TRHDE: variants seen among roughly 807,000 people sequenced by gnomAD.
TRHDE encodes thyrotropin-releasing hormone-degrading ectoenzyme.
TRHDE carries 72 observed loss-of-function variants against 125.7 expected under a neutral mutation model. That is an observed-to-expected ratio of 0.57 (90% confidence interval 0.47 to 0.70). TRHDE has a LOEUF of 0.70. Ranked by LOEUF, TRHDE falls within the 30% of genes least tolerant of loss-of-function variation. TRHDE has a pLI of 0.00. For synonymous variants in TRHDE, 509 were observed against 509.1 expected (o/e 1.00, Z 0.00); for missense variants, 1,110 against 1,327.1 (o/e 0.84, Z 2.54).
chr12:72,380,309 C>T (rs1872084379), intron 3 of TRHDE, among the ~76,000 whole-genome samples: 2 of 152,244 alleles, frequency 1.3e-5, no homozygotes, highest in South Asian at 4.1e-4. Context: ...TAGGTGAAGA[C>T]AGACATTAAA....
At chr12:72,212,640 C>T (rs1316707763) in intron 2 of TRHDE, among the ~76,000 whole-genome samples, 1 of 152,002 alleles carries the variant, frequency 6.6e-6, no homozygotes, top group East Asian at 1.9e-4. Context: ...TGAGATACCC[C>T]TTAAAATCCA....
intron 3 of TRHDE, among the ~76,000 whole-genome samples, chr12:72,462,661 G>A (rs1238783618): frequency 6.6e-6 from 1 of 152,142 alleles, no homozygotes; most frequent in Admixed American, 6.5e-5. Context: ...CTTGGATTGG[G>A]TTGATGTTTC....
chr12:72,643,782 T>C (rs373730423), intron 15 of TRHDE, among the ~76,000 whole-genome samples: 64 of 152,302 alleles, frequency 4.2e-4, no homozygotes, highest in African/African-American at 1.5e-3. Context: ...TCAATGCTGG[T>C]GAACAGAATG....
chr12:72,546,002 G>T (rs1418437386), intron 7 of TRHDE, among the ~76,000 whole-genome samples: 1 of 151,602 alleles, frequency 6.6e-6, no homozygotes, highest in Non-Finnish European at 1.5e-5. Context: ...TCCTTGATGA[G>T]TGACGTTACA....
At chr12:72,322,954 C>A (rs1437760204) in intron 2 of TRHDE, among the ~76,000 whole-genome samples, 1 of 152,078 alleles carries the variant, frequency 6.6e-6, no homozygotes, top group Non-Finnish European at 1.5e-5. Flanking sequence ...TTGGAGAAGC[C>A]ATTTAGCCAT....
At chr12:72,495,855 C>T (rs1877892506) in intron 5 of TRHDE, among the ~76,000 whole-genome samples, 1 of 152,080 alleles carries the variant, frequency 6.6e-6, no homozygotes, top group African/African-American at 2.4e-5. Context: ...TGCCTTTGTA[C>T]TAGTCTCCAA....
chr12:72,439,293 G>T (rs1265784815), intron 3 of TRHDE, among the ~76,000 whole-genome samples: 1 of 151,604 alleles, frequency 6.6e-6, no homozygotes, highest in Non-Finnish European at 1.5e-5. Flanking sequence ...GGTCTTTTTG[G>T]TTCTATAGAA....
At chr12:72,380,709 TC>T (rs2135779074) in intron 3 of TRHDE, among the ~76,000 whole-genome samples, 2 of 129,126 alleles carry the variant, frequency 1.5e-5, no homozygotes, top group South Asian at 4.8e-4. Flanking sequence ...CTTCCTTCCT[TC>T]CTTCCTTCCT....
chr12:72,159,855 T>G (rs1876597304), intron 2 of TRHDE, among the ~76,000 whole-genome samples: 1 of 152,194 alleles, frequency 6.6e-6, no homozygotes, highest in East Asian at 1.9e-4. Flanking sequence ...GTGTTTCTTT[T>G]TTCTAATTTC....
rs769752826 is a variant in TRHDE at position 72,466,329 on chromosome 12, C to T, written c.1316-3429C>T. 4.4e-4 allele frequency among the ~76,000 whole-genome samples: 67 copies of T among 152,282 alleles called. 1 individual carries two copies. The Middle Eastern group carries it at 0.014, about 31-fold the overall frequency. ...CCCAATGTGTGGCTTGATATGCTAG[C>T]TTAGCCTTGACGACCGACTACTCTT... On this transcript the variant is annotated intron_variant, in intron 3 of 18. Coordinates refer to ENST00000261180, the MANE Select transcript of TRHDE (RefSeq NM_013381.3).
intron 1 of TRHDE, among the ~76,000 whole-genome samples, chr12:72,275,603 T>C (rs1172855934): frequency 1.3e-5 from 2 of 152,240 alleles, no homozygotes; most frequent in Non-Finnish European, 2.9e-5. Flanking sequence ...TGCATATCAT[T>C]ACTGATACAT....
intron 2 of TRHDE, among the ~76,000 whole-genome samples, chr12:72,326,544 T>C (rs1869349223): frequency 6.6e-6 from 1 of 152,174 alleles, no homozygotes; most frequent in South Asian, 2.1e-4. Context: ...TCTGCACATG[T>C]ATCCCAGAAC....
At chr12:72,551,265 C>T (rs986339121) in intron 7 of TRHDE, among the ~76,000 whole-genome samples, 7 of 152,018 alleles carry the variant, frequency 4.6e-5, no homozygotes, top group African/African-American at 7.2e-5. Flanking sequence ...CTCTTTTGGT[C>T]TACCTCTGTA....
intron 2 of TRHDE, among the ~76,000 whole-genome samples, chr12:72,125,751 A>G (rs1944964680): frequency 6.6e-6 from 1 of 152,214 alleles, no homozygotes; most frequent in African/African-American, 2.4e-5. Flanking sequence ...AGTTTAGCCA[A>G]TGGTTTTCCA....
At chr12:72,228,530 G>A (rs555398317) in intron 2 of TRHDE, among the ~76,000 whole-genome samples, 11 of 152,280 alleles carry the variant, frequency 7.2e-5, no homozygotes, top group African/African-American at 2.6e-4. Context: ...GACCTCTGAT[G>A]TGCCCTGGAG....
At chr12:72,485,826 C>T (rs1487530524) in intron 5 of TRHDE, among the ~76,000 whole-genome samples, 1 of 152,136 alleles carries the variant, frequency 6.6e-6, no homozygotes, top group African/African-American at 2.4e-5. Context: ...AGTAGGTGCC[C>T]TGCTTGAGAT....
chr12:72,576,930 T>C (rs1871022317), intron 12 of TRHDE, among the ~76,000 whole-genome samples: 1 of 152,168 alleles, frequency 6.6e-6, no homozygotes, highest in Non-Finnish European at 1.5e-5. Context: ...ACGAAGGCTT[T>C]TCCATGCCAT....
intron 12 of TRHDE, among the ~76,000 whole-genome samples, chr12:72,591,061 G>A (rs1481717984): frequency 6.6e-6 from 1 of 152,190 alleles, no homozygotes; most frequent in Non-Finnish European, 1.5e-5. Context: ...AGGAGCAAAG[G>A]CATGTCTTAC....
chr12:72,318,508 G>A (rs1342933729), intron 2 of TRHDE, among the ~76,000 whole-genome samples: 1 of 152,142 alleles, frequency 6.6e-6, no homozygotes, highest in African/African-American at 2.4e-5. Context: ...GTTCATCACA[G>A]TCACAGTGAC....
Sources: allele counts gnomAD v4.1 joint callset (sites outside exome capture counted in the v4.1 genomes callset), GRCh38; gene constraint gnomAD v4.1.1; transcripts MANE v1.5; gene names NCBI Gene and HGNC (gene_info 2026-07-23, HGNC 2026-07-21).